The following TMTC2 variants were observed in gnomAD, a reference collection of about 807,000 sequenced individuals.
The protein encoded by TMTC2 is transmembrane O-mannosyltransferase targeting cadherins 2.
TMTC2 carries 43 observed loss-of-function variants against 82.4 expected under a neutral mutation model. The observed-to-expected ratio is 0.52, with a 90% CI of 0.41 to 0.67. TMTC2 has a LOEUF of 0.67. TMTC2 is among the 30% of genes least tolerant of loss of function. The pLI, the probability that TMTC2 is intolerant of heterozygous loss-of-function variation, is 0.00. For synonymous variants in TMTC2, 408 were observed against 381.9 expected (o/e 1.07, Z -0.80); for missense variants, 919 against 1,012.4 (o/e 0.91, Z 1.25).
chr12:82,752,472 C>T (rs914440606), intron 1 of TMTC2, among the ~76,000 whole-genome samples: 13 of 152,024 alleles, frequency 8.6e-5, no homozygotes, highest in South Asian at 2.1e-4. Flanking sequence ...GGCGACAGAG[C>T]GAGACTCCAT....
At chr12:82,782,945 T>A (rs1249986822) in intron 1 of TMTC2, among the ~76,000 whole-genome samples, 10 of 152,178 alleles carry the variant, frequency 6.6e-5, no homozygotes, top group African/African-American at 9.6e-5. Flanking sequence ...GGGAAATGCC[T>A]TCATTTAGTC....
intron 8 of TMTC2, among the ~76,000 whole-genome samples, chr12:82,994,728 T>C (rs1252462502): frequency 1.3e-5 from 2 of 152,096 alleles, no homozygotes; most frequent in Admixed American, 6.5e-5. Context: ...TAAGCAGTGG[T>C]GGTACAAAGA....
intron 1 of TMTC2, among the ~76,000 whole-genome samples, chr12:82,833,322 T>C (rs1869850190): frequency 6.6e-6 from 1 of 152,196 alleles, no homozygotes; most frequent in Non-Finnish European, 1.5e-5. Flanking sequence ...CTTGATCAAG[T>C]GTTAAGAGCC....
chr12:82,980,558 A>T (rs1878871417), intron 7 of TMTC2, among the ~76,000 whole-genome samples: 1 of 151,788 alleles, frequency 6.6e-6, no homozygotes, highest in African/African-American at 2.4e-5. Context: ...GGAAGCCTGC[A>T]AGAAATCAGT....
At chr12:82,768,744 T>G (rs777424714) in intron 1 of TMTC2, among the ~76,000 whole-genome samples, 1 of 152,142 alleles carries the variant, frequency 6.6e-6, no homozygotes, top group Non-Finnish European at 1.5e-5. Context: ...GTATACTTAT[T>G]GGTCATTACA....
intron 3 of TMTC2, among the ~76,000 whole-genome samples, chr12:82,909,246 CCTAG>C (rs2137205699): frequency 6.6e-6 from 1 of 152,230 alleles, no homozygotes; most frequent in East Asian, 1.9e-4. Context: ...AAAGCCTAAA[CCTAG>C]GTTTATCTGT....
chr12:83,041,144 G>A (rs371629008), intron 9 of TMTC2, among the ~76,000 whole-genome samples: 19 of 152,206 alleles, frequency 1.2e-4, no homozygotes, highest in South Asian at 4.2e-4. Flanking sequence ...TTGCTAAGGC[G>A]ACGTATAGTT....
intron 1 of TMTC2, among the ~76,000 whole-genome samples, chr12:82,702,536 G>A (rs1179360572): frequency 6.6e-6 from 1 of 152,174 alleles, no homozygotes; most frequent in African/African-American, 2.4e-5. Context: ...CAATTTTGCA[G>A]GATGGCTCTC....
chr12:82,739,073 G>A (rs1369000101), intron 1 of TMTC2, among the ~76,000 whole-genome samples: 5 of 151,390 alleles, frequency 3.3e-5, no homozygotes, highest in African/African-American at 1.2e-4. Flanking sequence ...ACTTGAACGT[G>A]GGAGGTAGAG....
chr12:82,763,927 A>G (rs1444781191), intron 1 of TMTC2, among the ~76,000 whole-genome samples: 4 of 152,236 alleles, frequency 2.6e-5, no homozygotes, highest in Non-Finnish European at 4.4e-5. Flanking sequence ...AAAGAAAACC[A>G]CAGCCCAATC....
At chr12:82,773,495 C>G (rs925601039) in intron 1 of TMTC2, among the ~76,000 whole-genome samples, 21 of 148,458 alleles carry the variant, frequency 1.4e-4, no homozygotes, top group Non-Finnish European at 2.5e-4. Context: ...TAGTCTCGCT[C>G]TGTCACCCAG....
intron 4 of TMTC2, among the ~76,000 whole-genome samples, chr12:82,951,434 G>A (rs1877340138): frequency 6.6e-6 from 1 of 152,106 alleles, no homozygotes; most frequent in East Asian, 1.9e-4. Context: ...GGGACTACAG[G>A]CACATGCCGC....
intron 4 of TMTC2, among the ~76,000 whole-genome samples, chr12:82,937,928 T>A (rs1453921721): frequency 1.7e-4 from 15 of 86,100 alleles, no homozygotes; most frequent in African/African-American, 4.5e-4. Context: ...TTTTATTTTT[T>A]TTTTTTGAGA....
chr12:82,741,219 G>T (rs1385246304), intron 1 of TMTC2, among the ~76,000 whole-genome samples: 2 of 152,168 alleles, frequency 1.3e-5, no homozygotes, highest in Non-Finnish European at 2.9e-5. Flanking sequence ...CATCCCAAGA[G>T]TGCTTTCCTG....
intron 11 of TMTC2, among the ~76,000 whole-genome samples, chr12:83,115,505 C>G (rs985805581): frequency 1.3e-4 from 20 of 152,184 alleles, no homozygotes; most frequent in Non-Finnish European, 2.6e-4. Flanking sequence ...CAGATATCTT[C>G]TTATATAGAA....
intron 8 of TMTC2, among the ~76,000 whole-genome samples, chr12:83,005,747 A>T (rs1655593): frequency 6.6e-6 from 1 of 152,022 alleles, no homozygotes; most frequent in African/African-American, 2.4e-5. Flanking sequence ...CTCCCAGGCC[A>T]CTAGCAAAGC....
At chr12:82,911,848 G>A (rs1186846964) in intron 3 of TMTC2, among the ~76,000 whole-genome samples, 1 of 152,140 alleles carries the variant, frequency 6.6e-6, no homozygotes, top group Non-Finnish European at 1.5e-5. Context: ...GTCCTCAAGT[G>A]ATCTGACCGC....
At chr12:82,785,400 A>G (rs1205408624) in intron 1 of TMTC2, among the ~76,000 whole-genome samples, 1 of 150,026 alleles carries the variant, frequency 6.7e-6, no homozygotes, top group Non-Finnish European at 1.5e-5. Context: ...AAATAACAAA[A>G]TAAAAACAAA....
At chr12:83,109,632 T>A (rs76272528) in intron 11 of TMTC2, among the ~76,000 whole-genome samples, 5,528 of 152,272 alleles carry the variant, frequency 0.036, 162 homozygotes, top group Non-Finnish European at 0.054. Context: ...GGACTTACAG[T>A]CTATGGAAAT....
Sources: gnomAD v4.1 joint callset for allele counts (sites outside exome capture counted in the v4.1 genomes callset) on GRCh38, gnomAD v4.1.1 for gene constraint, MANE v1.5 for transcripts, NCBI Gene and HGNC (gene_info 2026-07-23, HGNC 2026-07-21) for gene names.